RBMS2: variants seen among roughly 807,000 people sequenced by gnomAD.
RBMS2 encodes the protein RNA-binding motif, single-stranded-interacting protein 2.
In RBMS2, 38 loss-of-function variants were observed where a neutral mutation model predicts 58.4. The ratio of observed to expected loss-of-function variants is 0.65; its 90% CI spans 0.50 to 0.85. RBMS2 has a LOEUF of 0.85. RBMS2 is among the 40% of genes least tolerant of loss of function. RBMS2 has a pLI of 0.00. For synonymous variants in RBMS2, 151 were observed against 180.7 expected, an observed-to-expected ratio of 0.84 and a Z score of 1.32; for missense variants, 367 against 503.7, an observed-to-expected ratio of 0.73 and a Z score of 2.60.
intron 1 of RBMS2, among the ~76,000 whole-genome samples, chr12:56,544,409 T>G (rs1213458550): frequency 6.6e-6 from 1 of 152,236 alleles, no homozygotes. Flanking sequence ...TGTTTCTTTC[T>G]CTTACATGAT....
chr12:56,587,947 C>G lies in RBMS2; in HGVS notation c.1062+283C>G, dbSNP rs141946554. On this transcript the variant is annotated intron_variant, in intron 11 of 13. Coordinates refer to ENST00000262031, the MANE Select transcript of RBMS2 (RefSeq NM_002898.4). ...AAGATACACACACGTCCTAGGAATC[C>G]TCATCAAAATAGTACCTGGAAGGAT... 4.6e-3 allele frequency among the ~76,000 whole-genome samples: 700 copies of G among 152,220 alleles called. 7 individuals are homozygous for G. Among genetic ancestry groups the G allele is most frequent in the African/African-American group, 0.016 (658 of 41,516 alleles).
intron 5 of RBMS2, among the ~76,000 whole-genome samples, chr12:56,572,618 T>G (rs1209939432): frequency 1.3e-5 from 2 of 152,210 alleles, no homozygotes; most frequent in Non-Finnish European, 2.9e-5. Context: ...CATTTAATCT[T>G]TACAACATCC....
At chr12:56,534,084 T>TG (rs1874300776) in intron 1 of RBMS2, among the ~76,000 whole-genome samples, 1 of 152,202 alleles carries the variant, frequency 6.6e-6, no homozygotes, top group Non-Finnish European at 1.5e-5. Flanking sequence ...CAACCACTGC[T>TG]GTAGTGTCTT....
At chr12:56,540,580 A>G (rs1207422899) in intron 1 of RBMS2, among the ~76,000 whole-genome samples, 1 of 152,034 alleles carries the variant, frequency 6.6e-6, no homozygotes, top group Admixed American at 6.6e-5. Flanking sequence ...AGGTCTCACT[A>G]TGTTGCCCAG....
At chr12:56,584,822 CTTTT>C (rs373639334) in intron 9 of RBMS2, among the ~76,000 whole-genome samples, 2 of 129,986 alleles carry the variant, frequency 1.5e-5, no homozygotes, top group Admixed American at 7.9e-5. Flanking sequence ...AACTTCTTGT[CTTTT>C]TTTTTTTTTT....
At chr12:56,540,405 AC>A (rs1157141645) in intron 1 of RBMS2, among the ~76,000 whole-genome samples, 1 of 152,062 alleles carries the variant, frequency 6.6e-6, no homozygotes, top group African/African-American at 2.4e-5. Flanking sequence ...AGGGGATCTC[AC>A]TTTCTGTCCC....
intron 9 of RBMS2, among the ~76,000 whole-genome samples, chr12:56,584,808 T>A (rs574666524): frequency 6.6e-6 from 1 of 151,464 alleles, no homozygotes; most frequent in East Asian, 1.9e-4. Context: ...ATAAATAACT[T>A]TTGAACTTCT....
At chr12:56,586,151 A>G (rs983110266) in intron 9 of RBMS2, among the ~76,000 whole-genome samples, 2 of 152,006 alleles carry the variant, frequency 1.3e-5, no homozygotes, top group African/African-American at 4.8e-5. Flanking sequence ...ACACGGTGAA[A>G]CCCTGTCTCT....
chr12:56,522,224 T>A, intron 1 of RBMS2, 135 bp downstream of exon 1: 1 of 667,196 alleles, frequency 1.5e-6, no homozygotes, highest in Non-Finnish European at 2.5e-6. Flanking sequence ...ACCGCGCTTC[T>A]CCCTTTTCCA....
At chr12:56,531,270 G>T (rs906747287) in intron 1 of RBMS2, among the ~76,000 whole-genome samples, 1 of 151,790 alleles carries the variant, frequency 6.6e-6, no homozygotes, top group African/African-American at 2.4e-5. Context: ...CTATCTAGTA[G>T]ATACTCAAAA....
At chr12:56,545,704 C>T (rs910361238) in intron 1 of RBMS2, among the ~76,000 whole-genome samples, 1 of 152,122 alleles carries the variant, frequency 6.6e-6, no homozygotes, top group Non-Finnish European at 1.5e-5. Flanking sequence ...TGATTGGCTT[C>T]TGTCTCTTTG....
At position 56,577,759 on chromosome 12, in the gene RBMS2, G is replaced by T. The variant is rs12298408; in HGVS notation, c.543-3425G>T. On this transcript the variant is annotated intron_variant, in intron 5 of 13. Coordinates refer to ENST00000262031, the MANE Select transcript of RBMS2 (RefSeq NM_002898.4). ...GTGCAGTGCTGCAATCTTGGCTCATGGCAACCTCTGCCTCCCAGGTTCAAG... is the reference window on the plus strand; with the variant it reads ...GTGCAGTGCTGCAATCTTGGCTCATTGCAACCTCTGCCTCCCAGGTTCAAG... Among the ~76,000 whole-genome samples, 1,247 of 151,758 alleles carry T rather than the reference G, an allele frequency of 8.2e-3. 17 individuals are homozygous for T. Among genetic ancestry groups the T allele is most frequent in the African/African-American group, 0.029 (1,192 of 41,386 alleles).
At chr12:56,526,936 T>G (rs889690325) in intron 1 of RBMS2, among the ~76,000 whole-genome samples, 9 of 152,182 alleles carry the variant, frequency 5.9e-5, no homozygotes, top group African/African-American at 2.2e-4. Context: ...TGTGTTTAAC[T>G]TAGGATAATT....
chr12:56,567,967 TA>T (rs1050848170), intron 2 of RBMS2, among the ~76,000 whole-genome samples: 1 of 152,208 alleles, frequency 6.6e-6, no homozygotes, highest in Non-Finnish European at 1.5e-5. Context: ...TTGAATATAA[TA>T]ATAGCAATTA....
chr12:56,538,195 G>A (rs1048562462), intron 1 of RBMS2, among the ~76,000 whole-genome samples: 4 of 151,714 alleles, frequency 2.6e-5, no homozygotes, highest in Non-Finnish European at 5.9e-5. Flanking sequence ...ACCATGCCCA[G>A]CTAATTTTTG....
chr12:56,584,350 T>G (rs951402661), intron 9 of RBMS2, among the ~76,000 whole-genome samples: 2 of 151,830 alleles, frequency 1.3e-5, no homozygotes, highest in African/African-American at 4.8e-5. Context: ...GGAGAATTGC[T>G]TGAGCCCGGA....
chr12:56,542,530 C>CTTTTTTTTTTTCTTTTTTT (rs1876307277), intron 1 of RBMS2, among the ~76,000 whole-genome samples: 1 of 124,300 alleles, frequency 8.0e-6, no homozygotes, highest in South Asian at 2.4e-4. Context: ...CCTGTGTTTC[C>CTTTTTTTTTTTCTTTTTTT]TTTTTTTTTT....
chr12:56,554,903 G>A (rs1162885849), intron 1 of RBMS2, among the ~76,000 whole-genome samples: 1 of 151,970 alleles, frequency 6.6e-6, no homozygotes, highest in Non-Finnish European at 1.5e-5. Context: ...CTCCTTTTAT[G>A]TATGCACTAT....
In RBMS2 at chr12:56,572,099, G is replaced by A. The variant is rs549175993; in HGVS notation, c.542+244G>A. Among the ~76,000 whole-genome samples the A allele has an allele frequency of 2.0e-5, 3 of 152,066 alleles. No individual in the cohort carries two copies. The South Asian group carries it at 6.2e-4, about 32-fold the overall frequency. On this transcript the variant is annotated intron_variant, in intron 5 of 13. Coordinates refer to ENST00000262031, the MANE Select transcript of RBMS2 (RefSeq NM_002898.4). ...AGGTCAGGAGTTTGAGACCAGCCTG[G>A]CAAACATGGTGAAACCCCGTCTCTA...
Sources: gnomAD v4.1 joint callset for allele counts (sites outside exome capture counted in the v4.1 genomes callset) on GRCh38, gnomAD v4.1.1 for gene constraint, MANE v1.5 for transcripts, NCBI Gene and HGNC (gene_info 2026-07-23, HGNC 2026-07-21) for gene names.